The following PTPRE variants were observed in gnomAD, a reference collection of about 807,000 sequenced individuals.
PTPRE encodes protein tyrosine phosphatase receptor type E.
In PTPRE, 51 loss-of-function variants were observed where a neutral mutation model predicts 102.0. That is an observed-to-expected ratio of 0.50 (90% CI 0.40 to 0.63). PTPRE has a LOEUF of 0.63. Ranked by LOEUF, PTPRE falls within the 30% of genes least tolerant of loss-of-function variation. The pLI is 0.00. For synonymous variants in PTPRE, 345 were observed against 348.2 expected, an observed-to-expected ratio of 0.99 and a Z score of 0.10; for missense variants, 752 against 915.1, an observed-to-expected ratio of 0.82 and a Z score of 2.30.
At chr10:128,016,538 G>C (rs1845446049) in intron 2 of PTPRE, among the ~76,000 whole-genome samples, 1 of 151,236 alleles carries the variant, frequency 6.6e-6, no homozygotes, top group Admixed American at 6.6e-5. Flanking sequence ...GCCCAGGCTG[G>C]TGAGGAGACA....
chr10:128,043,668 G>A (rs1847887071), intron 3 of PTPRE, among the ~76,000 whole-genome samples: 1 of 152,134 alleles, frequency 6.6e-6, no homozygotes, highest in South Asian at 2.1e-4. Flanking sequence ...ACACTTGCGA[G>A]ACACAAAGAT....
chr10:128,022,117 C>T (rs920937953), intron 2 of PTPRE, among the ~76,000 whole-genome samples: 1 of 152,216 alleles, frequency 6.6e-6, no homozygotes, highest in African/African-American at 2.4e-5. Context: ...ATGAAAGTCA[C>T]AAGGTAGAAG....
At chr10:128,007,354 A>G (rs1844585612) in intron 2 of PTPRE, among the ~76,000 whole-genome samples, 1 of 152,226 alleles carries the variant, frequency 6.6e-6, no homozygotes, top group African/African-American at 2.4e-5. Flanking sequence ...ATTAAAATTA[A>G]GTTCTGAGTG....
At chr10:128,077,976 A>G (rs1485771740) in intron 19 of PTPRE, among the ~76,000 whole-genome samples, 193 bp downstream of exon 19, 1 of 152,248 alleles carries the variant, frequency 6.6e-6, no homozygotes, top group Non-Finnish European at 1.5e-5. Flanking sequence ...TATCATACAT[A>G]AGATGCATGT....
rs532211132 is a variant in PTPRE at position 128,067,026 on chromosome 10, G to A, written c.843+832G>A. On this transcript the variant is annotated intron_variant, in intron 11 of 20. Transcript: ENST00000254667. ...CGTACACCTACCCACACACAGGCAC[G>A]CACATGCACATACTCCCACACACAT... is the stretch of plus-strand genomic sequence containing the variant. Among the ~76,000 whole-genome samples the A allele has an allele frequency of 5.2e-3, 702 of 134,374 alleles. 5 individuals are homozygous for A. The highest frequency in any genetic ancestry group is 0.019 in the African/African-American group (665 of 34,984). The allele number at this position is 134,374 out of a possible 152,430, so 88.2% of individuals were successfully genotyped here.
At chr10:127,990,604 A>G (rs1262579167) in intron 2 of PTPRE, among the ~76,000 whole-genome samples, 1 of 152,134 alleles carries the variant, frequency 6.6e-6, no homozygotes, top group Non-Finnish European at 1.5e-5. Flanking sequence ...AGTTAGCAAC[A>G]GAAATCCCCA....
chr10:128,017,700 G>T (rs568063422), intron 2 of PTPRE, among the ~76,000 whole-genome samples: 1 of 152,134 alleles, frequency 6.6e-6, no homozygotes, highest in African/African-American at 2.4e-5. Context: ...ACCAGGACCC[G>T]CCAATGTAGT....
At chr10:127,922,541 T>C (rs970351057) in intron 1 of PTPRE, among the ~76,000 whole-genome samples, 4 of 152,238 alleles carry the variant, frequency 2.6e-5, no homozygotes, top group African/African-American at 9.6e-5. Flanking sequence ...GCCGGGGCCA[T>C]GTGTATTCAT....
At chr10:128,066,934 GCA>G (rs1850162538) in intron 11 of PTPRE, among the ~76,000 whole-genome samples, 1 of 146,878 alleles carries the variant, frequency 6.8e-6, no homozygotes, top group Non-Finnish European at 1.5e-5. Context: ...GCACACACAT[GCA>G]CACATGCACA....
At chr10:128,034,330 C>G (rs1847026810) in intron 2 of PTPRE, among the ~76,000 whole-genome samples, 1 of 151,800 alleles carries the variant, frequency 6.6e-6, no homozygotes, top group Non-Finnish European at 1.5e-5. Context: ...ACACCACCCC[C>G]CCCACCGACA....
intron 1 of PTPRE, among the ~76,000 whole-genome samples, chr10:127,974,106 G>T (rs977953604): frequency 6.6e-6 from 1 of 152,196 alleles, no homozygotes; most frequent in Non-Finnish European, 1.5e-5. Flanking sequence ...GCCCAGGCTT[G>T]CAGACTTCTG....
In PTPRE at chr10:128,028,662, C is replaced by T. The variant is rs74159137; in HGVS notation, c.-7-12213C>T. 0.11 allele frequency among the ~76,000 whole-genome samples: 16,023 copies of T among 152,076 alleles called. 924 individuals carry two copies. The highest frequency in any genetic ancestry group is 0.13 in the Non-Finnish European group (8,782 of 67,966). The stretch of plus-strand genomic sequence containing the variant: ...CCTCAGGCACAGCTGAGCAGCCCGC[C>T]GGGGCCCAGGGTTCCTTGGTCTTGG... On this transcript the variant is annotated intron_variant, in intron 2 of 20. Transcript: ENST00000254667. This position sits in a 1 kb window ranked among gnomAD's most constrained non-coding sequence, Gnocchi z 4.5.
chr10:128,053,848 C>A (rs1848741319), intron 6 of PTPRE, among the ~76,000 whole-genome samples: 1 of 152,154 alleles, frequency 6.6e-6, no homozygotes, highest in South Asian at 2.1e-4. Flanking sequence ...GCAACCTCCG[C>A]CTCCCAGGTT....
rs1693937378 is a variant in PTPRE at position 128,070,879 on chromosome 10, C to T, written c.1365C>T (p.Ala455=). Residue 455 remains alanine, a synonymous_variant, in exon 15 of 21, where the codon GCC becomes GCT. Transcript: ENST00000254667. The surrounding 1 kb of genome is among the most constrained non-coding windows in gnomAD (Gnocchi z 4.8). The part of the protein sequence containing the change: ...TGNLPANMKK[A]RVIQIIPYDF... ...ACTTGCCGGCAAACATGAAGAAGGC[C>T]AGGGTCATCCAGATCATCCCGTGTA... 1.9e-6 allele frequency: 3 copies of T among 1,613,904 alleles called. No individual in the cohort carries two copies. Among genetic ancestry groups the T allele is most frequent in the African/African-American group, 1.3e-5 (1 of 74,922 alleles).
intron 2 of PTPRE, among the ~76,000 whole-genome samples, chr10:128,030,680 G>A (rs1846671300): frequency 6.6e-6 from 1 of 152,216 alleles, no homozygotes; most frequent in African/African-American, 2.4e-5. Flanking sequence ...CGCGTGCATG[G>A]ATAATCCTGC....
intron 1 of PTPRE, among the ~76,000 whole-genome samples, chr10:127,927,234 T>C (rs1847097671): frequency 6.6e-6 from 1 of 152,154 alleles, no homozygotes; most frequent in Admixed American, 6.5e-5. Flanking sequence ...GGAGATAGCA[T>C]GTTGAACAGT....
At chr10:127,927,031 C>T (rs747945998) in intron 1 of PTPRE, among the ~76,000 whole-genome samples, 10 of 151,792 alleles carry the variant, frequency 6.6e-5, no homozygotes, top group Admixed American at 3.3e-4. Flanking sequence ...AGGCCAGTCT[C>T]GAACTCCTGA....
In PTPRE at chr10:128,040,997, A is replaced by ACCCCTTT. The variant is rs1847644125; in HGVS notation, c.109+11_109+17dup. 6.2e-7 allele frequency: 1 copy of ACCCCTTT among 1,612,708 alleles called. No individual in the cohort carries two copies. The highest frequency in any genetic ancestry group is 1.1e-5 in the South Asian group (1 of 90,986). Reference sequence around the variant, plus strand: ...GAGACAACCACGACCTCAGGTAAGGACCCCTTTCCCTGGCTGCCTCCCCTA... The same window carrying ACCCCTTT: ...GAGACAACCACGACCTCAGGTAAGGACCCCTTTCCCCTTTCCCTGGCTGCCTCCCCTA... On this transcript the variant is annotated splice_region_variant and intron_variant, in intron 3 of 20. Coordinates refer to ENST00000254667, the MANE Select transcript of PTPRE (RefSeq NM_006504.6).
At chr10:127,931,703 A>C (rs1259129950) in intron 1 of PTPRE, among the ~76,000 whole-genome samples, 3 of 152,258 alleles carry the variant, frequency 2.0e-5, no homozygotes, top group Non-Finnish European at 4.4e-5. Context: ...AACATATTCC[A>C]GAAAAATGAC....
Sources: allele counts gnomAD v4.1 joint callset (sites outside exome capture counted in the v4.1 genomes callset), GRCh38; gene constraint gnomAD v4.1.1; non-coding constraint Gnocchi (gnomAD v3.1); transcripts MANE v1.5; gene names NCBI Gene and HGNC (gene_info 2026-07-23, HGNC 2026-07-21).